The following ZNF831 variants were observed in gnomAD, a reference collection of about 807,000 sequenced individuals.
ZNF831 encodes the protein zinc finger protein 831.
In ZNF831, 59 loss-of-function variants were observed where a neutral mutation model predicts 95.8. The ratio of observed to expected loss-of-function variants is 0.62; its 90% CI spans 0.50 to 0.77. The LOEUF is 0.77. Among genes scored for constraint, ZNF831 ranks in the 30% least tolerant of loss-of-function variants. The pLI is 0.00. For synonymous variants in ZNF831, 961 were observed against 925.5 expected (o/e 1.04, Z -0.70); for missense variants, 2,205 against 2,164.0 (o/e 1.02, Z -0.38).
At chr20:59,239,439 A>G (rs1987186718) in intron 4 of ZNF831, among the ~76,000 whole-genome samples, 1 of 152,130 alleles carries the variant, frequency 6.6e-6, no homozygotes, top group African/African-American at 2.4e-5. Flanking sequence ...GATTTCTCGA[A>G]TACATTTTTG....
chr20:59,158,497 C>A (rs921345783), intron 2 of ZNF831, among the ~76,000 whole-genome samples: 1 of 152,224 alleles, frequency 6.6e-6, no homozygotes, highest in Non-Finnish European at 1.5e-5. Context: ...GTTCTGCCCA[C>A]TCTGTGCCCA....
In ZNF831 at chr20:59,193,459, G is replaced by C. The variant is rs760261090; in HGVS notation, c.2440G>C (p.Gly814Arg). The change falls in exon 2 of 6, where the codon GGG becomes CGG. Residue 814 changes from glycine to arginine, a missense_variant. Gly to Arg is a moderately radical substitution (Grantham distance 125). Transcript: ENST00000371030. ...TVLRWPSRGS[G>R]EDKLPSERKK... is the part of the protein sequence containing the mutation. Reference sequence around the variant, plus strand: ...CCTGAGATGGCCCAGCAGGGGCTCAGGGGAGGACAAGCTCCCCTCAGAGAG... The same window carrying C: ...CCTGAGATGGCCCAGCAGGGGCTCACGGGAGGACAAGCTCCCCTCAGAGAG... 1.9e-6 allele frequency: 3 copies of C among 1,608,254 alleles called. No homozygotes were observed. The highest frequency in any genetic ancestry group is 3.4e-5 in the Admixed American group (2 of 59,466).
chr20:59,165,557 A>G (rs1038414761), intron 1 of ZNF831, among the ~76,000 whole-genome samples: 1 of 152,146 alleles, frequency 6.6e-6, no homozygotes, highest in African/African-American at 2.4e-5. Context: ...AGGGTCTGGG[A>G]ACTTTACCCA....
At chr20:59,156,903 A>T (rs1364532627) in intron 2 of ZNF831, among the ~76,000 whole-genome samples, 1 of 152,328 alleles carries the variant, frequency 6.6e-6, no homozygotes, top group East Asian at 1.9e-4. Flanking sequence ...AGAACTTTAA[A>T]ACCATTCTTT....
At chr20:59,241,852 C>CA (rs1459395364) in intron 4 of ZNF831, among the ~76,000 whole-genome samples, 3 of 152,052 alleles carry the variant, frequency 2.0e-5, no homozygotes, top group Admixed American at 2.0e-4. Context: ...CTCTACGCCA[C>CA]AAAAAATAAG....
chr20:59,148,196 C>T (rs940631220), intron 2 of ZNF831, among the ~76,000 whole-genome samples: 80 of 152,168 alleles, frequency 5.3e-4, no homozygotes, highest in African/African-American at 1.8e-3. Flanking sequence ...GTGGTCGGCC[C>T]ATCCAAGACA....
intron 4 of ZNF831, among the ~76,000 whole-genome samples, chr20:59,228,177 A>G (rs998109035): frequency 3.9e-5 from 6 of 152,142 alleles, no homozygotes; most frequent in Non-Finnish European, 5.9e-5. Flanking sequence ...TTGTGTAGCA[A>G]ACCACGCTAA....
chr20:59,166,031 C>T lies in ZNF831; in HGVS notation c.-37+1824C>T, dbSNP rs151287745. On this transcript the variant is annotated intron_variant, in intron 1 of 5. Coordinates refer to ENST00000371030, the MANE Select transcript of ZNF831 (RefSeq NM_178457.3). Reference sequence around the variant, plus strand: ...CCTCCCAAAGTGCTGAGATTACAGGCGTGAGCTACCACACCCAGCCCCTTG... The same window carrying T: ...CCTCCCAAAGTGCTGAGATTACAGGTGTGAGCTACCACACCCAGCCCCTTG... Among the ~76,000 whole-genome samples the T allele has an allele frequency of 4.2e-3, 636 of 152,244 alleles. 2 individuals are homozygous for T. The highest frequency in any genetic ancestry group is 0.015 in the African/African-American group (614 of 41,550).
At chr20:59,159,394 T>G (rs1193402257), upstream of ZNF831, among the ~76,000 whole-genome samples, 1 of 152,272 alleles carries the variant, frequency 6.6e-6, no homozygotes, top group Non-Finnish European at 1.5e-5. Flanking sequence ...ATTCAGCTGA[T>G]CCTTGACCCC....
intron 4 of ZNF831, among the ~76,000 whole-genome samples, chr20:59,236,560 C>CTTTTTTTTTTT: frequency 8.4e-6 from 1 of 118,730 alleles, no homozygotes; most frequent in South Asian, 2.7e-4. Flanking sequence ...TAGTTTTTTG[C>CTTTTTTTTTTT]TTTTTTTTTT....
At chr20:59,199,518 A>G (rs1385593628) in intron 3 of ZNF831, among the ~76,000 whole-genome samples, 5 of 152,078 alleles carry the variant, frequency 3.3e-5, no homozygotes, top group Admixed American at 2.6e-4. Flanking sequence ...TAAGGTCAAC[A>G]TTGTGTTTTT....
chr20:59,238,029 T>C (rs1405528156), intron 4 of ZNF831, among the ~76,000 whole-genome samples: 1 of 152,174 alleles, frequency 6.6e-6, no homozygotes, highest in Non-Finnish European at 1.5e-5. Flanking sequence ...CTAAAAATGA[T>C]TTGTTGTTCA....
chr20:59,224,167 G>A (rs558985849), intron 4 of ZNF831, among the ~76,000 whole-genome samples: 13 of 152,330 alleles, frequency 8.5e-5, no homozygotes, highest in African/African-American at 3.1e-4. Flanking sequence ...GGTGCGTGGC[G>A]GGTGGGGGGA....
rs574895463 is a variant in ZNF831, at chr20:59,241,284, C to G, written c.4028-11694C>G. On this transcript the variant is annotated intron_variant, in intron 4 of 5. Transcript: ENST00000371030. ...TTGATATTTTATTCCTTGCTTTGGT[C>G]TAAAAGAACTCATAACCGGCCCCCT... 1.1e-4 allele frequency among the ~76,000 whole-genome samples: 16 copies of G among 151,828 alleles called. 1 individual carries two copies. Among genetic ancestry groups the G allele is most frequent in the Non-Finnish European group, 1.2e-4 (8 of 67,944 alleles).
At chr20:59,152,600 T>C (rs1980310548) in intron 2 of ZNF831, among the ~76,000 whole-genome samples, 1 of 152,168 alleles carries the variant, frequency 6.6e-6, no homozygotes, top group South Asian at 2.1e-4. Context: ...TAATGATACA[T>C]TTAATTTTTT....
chr20:59,168,929 T>G (rs1298024980), intron 1 of ZNF831, among the ~76,000 whole-genome samples: 1 of 152,196 alleles, frequency 6.6e-6, no homozygotes. Flanking sequence ...GTATAATTTT[T>G]TTCTTATCAC....
chr20:59,237,986 T>C (rs1987097704), intron 4 of ZNF831, among the ~76,000 whole-genome samples: 2 of 152,208 alleles, frequency 1.3e-5, no homozygotes, highest in South Asian at 4.1e-4. Context: ...TTAGCATAAG[T>C]ATGTCCTGAA....
chr20:59,190,697 T>G (rs1983424661), intron 1 of ZNF831, among the ~76,000 whole-genome samples: 1 of 152,224 alleles, frequency 6.6e-6, no homozygotes, highest in Admixed American at 6.5e-5. Flanking sequence ...AAACCTGCCA[T>G]GGACCTGTGC....
chr20:59,187,828 C>T (rs1417922848), intron 1 of ZNF831, among the ~76,000 whole-genome samples: 2 of 152,128 alleles, frequency 1.3e-5, no homozygotes, highest in South Asian at 2.1e-4. Context: ...CTCTGGCAAC[C>T]ACTATAATTT....
Sources: allele counts gnomAD v4.1 joint callset (sites outside exome capture counted in the v4.1 genomes callset), GRCh38; gene constraint gnomAD v4.1.1; transcripts MANE v1.5; gene names NCBI Gene and HGNC (gene_info 2026-07-23, HGNC 2026-07-21).